Variants in ZNF184 observed in about 807,000 individuals in gnomAD.
ZNF184 encodes the protein zinc finger protein 184.
A neutral mutation model predicts 54.4 loss-of-function variants in ZNF184; 16 were observed. The observed-to-expected ratio is 0.29, with a 90% CI of 0.20 to 0.45. ZNF184 has a LOEUF of 0.45. Ranked by LOEUF, ZNF184 falls within the 20% of genes least tolerant of loss-of-function variation. ZNF184 has a pLI of 1.00. For missense variants in ZNF184, 681 were observed against 888.2 expected (o/e 0.77, Z 2.97); for synonymous variants, 254 against 295.3 (o/e 0.86, Z 1.43).
At position 27,451,748 on chromosome 6, in the gene ZNF184, T is replaced by A; in HGVS notation, c.1811A>T (p.His604Leu). Residue 604 changes from histidine (H) to leucine (L), a missense_variant, in exon 6 of 6, where the codon CAT becomes CTT. Coordinates refer to ENST00000683788, the MANE Select transcript of ZNF184 (RefSeq NM_001318891.2). ...CTTGGCTCCTGTATGAATTCTCTTA[T>A]GCTGTGTAAGGTGTATGTTCTGGTT... The part of the protein sequence containing the change: ...AFNQNIHLTQ[H>L]KRIHTGAKPY... The A allele has an allele frequency of 1.2e-6, 2 of 1,614,050 alleles. No homozygotes were observed. The highest frequency in any genetic ancestry group is 1.7e-6 in the Non-Finnish European group (2 of 1,179,964).
Position 27,453,003 on chromosome 6 carries a change from T to C in ZNF184, c.556A>G (p.Ser186Gly). The change falls in exon 6 of 6, where the codon AGT (serine) becomes GGT (glycine). Residue 186 changes from serine to glycine, a missense_variant. Ser to Gly is a moderately conservative substitution (Grantham distance 56, BLOSUM62 0). Transcript: ENST00000683788. The surrounding 1 kb of genome is among the most constrained non-coding windows in gnomAD (Gnocchi z 4.7). ...ACAAGGTTTGAACTCACATTGACAC[T>C]TTTCCCAAATTCATTATTTACAGGG... ...KGPVNNEFGK[S>G]VNVSSNLVTQ... is the part of the protein sequence containing the mutation. 2 of 1,614,170 alleles carry C rather than the reference T, an allele frequency of 1.2e-6. No individual in the cohort carries two copies. Among genetic ancestry groups the C allele is most frequent in the Admixed American group, 3.3e-5 (2 of 60,026 alleles).
chr6:27,456,842 T>G lies in ZNF184; in HGVS notation c.282A>C (p.Pro94=). 1 of 1,614,128 alleles carries G rather than the reference T, an allele frequency of 6.2e-7. No homozygotes were observed. Among genetic ancestry groups the G allele is most frequent in the East Asian group, 2.2e-5 (1 of 44,878 alleles). ...TEPWIMEPSI[P]VGTCADWETR... is the part of the protein sequence containing the mutation. ...ATGACTTACCTGCACAGGTACCTAC[T>G]GGAATGCTTGGCTCCATGATCCATG... Residue 94 remains proline, a synonymous_variant, in exon 5 of 6, where the codon CCA becomes CCC. Coordinates refer to ENST00000683788, the MANE Select transcript of ZNF184 (RefSeq NM_001318891.2).
At chr6:27,446,353 C>T (rs1762636562), downstream of ZNF184, among the ~76,000 whole-genome samples, 2 of 152,182 alleles carry the variant, frequency 1.3e-5, no homozygotes, top group Non-Finnish European at 2.9e-5. Context: ...ACTCTGTGGC[C>T]ACCCTAGCCA....
chr6:27,458,295 T>TA (rs55966783), intron 3 of ZNF184, among the ~76,000 whole-genome samples: 1,096 of 62,326 alleles, frequency 0.018, 24 homozygotes, highest in East Asian at 0.028. Context: ...TTCTGCACAG[T>TA]AAAAAAAAAA....
the ZNF184 span, among the ~76,000 whole-genome samples, chr6:27,434,298 G>A: frequency 6.6e-6 from 1 of 152,160 alleles, no homozygotes; most frequent in Non-Finnish European, 1.5e-5. Flanking sequence ...TACCAACAAA[G>A]CATGGGTTGC....
In ZNF184 at chr6:27,451,897, T is replaced by C; in HGVS notation, c.1662A>G (p.Gly554=). The stretch of plus-strand genomic sequence containing the variant: ...ATTCATGACACTGATAGGGTTTCTC[T>C]CCAGTATGAATTCTTTCATGCTTAG... ...SLAKHERIHT[G]EKPYQCHECG... The change falls in exon 6 of 6, where the codon GGA becomes GGG. Residue 554 remains glycine, a synonymous_variant. Transcript: ENST00000683788. 6.2e-7 allele frequency: 1 copy of C among 1,612,520 alleles called. No homozygotes were observed.
Position 27,453,283 on chromosome 6 carries a change from G to A in ZNF184, c.299-23C>T. ...AGTCTAAAAGAAAAAGAAAATTCCA[G>A]TGTTCTCTGAATAGAGAAAAAATAA... On this transcript the variant is annotated intron_variant, in intron 5 of 5. Coordinates refer to ENST00000683788, the MANE Select transcript of ZNF184 (RefSeq NM_001318891.2). This position sits in a 1 kb window ranked among gnomAD's most constrained non-coding sequence, Gnocchi z 4.7. The A allele has an allele frequency of 6.4e-7, 1 of 1,553,610 alleles. No individual in the cohort carries two copies. Among genetic ancestry groups the A allele is most frequent in the Non-Finnish European group, 8.6e-7 (1 of 1,156,956 alleles).
the ZNF184 span, among the ~76,000 whole-genome samples, chr6:27,409,498 CAAAAAAA>C: frequency 2.5e-5 from 1 of 39,942 alleles, no homozygotes; most frequent in Non-Finnish European, 5.0e-5. Context: ...GACTCCGTCT[CAAAAAAA>C]AAAAAAAAAA....
chr6:27,461,366 G>C (rs1268114893), intron 3 of ZNF184, among the ~76,000 whole-genome samples: 1 of 151,898 alleles, frequency 6.6e-6, no homozygotes, highest in Non-Finnish European at 1.5e-5. Flanking sequence ...TGTAATATTT[G>C]TTAGCCATGA....
the ZNF184 span, among the ~76,000 whole-genome samples, chr6:27,411,230 A>C: frequency 6.6e-6 from 1 of 152,116 alleles, no homozygotes; most frequent in Non-Finnish European, 1.5e-5. Context: ...AGAGGCTTAA[A>C]ACTCCAGGCC....
chr6:27,453,333 T>A lies in ZNF184; in HGVS notation c.299-73A>T. On this transcript the variant is annotated intron_variant, in intron 5 of 5. Transcript: ENST00000683788. The surrounding 1 kb of genome is among the most constrained non-coding windows in gnomAD (Gnocchi z 4.7). ...AACTGCTATTGTGGGAATAATATAA[T>A]GATACTGAAAAATAAATCTCTCAGA... The A allele has an allele frequency of 7.4e-7, 1 of 1,359,926 alleles. No individual in the cohort carries two copies. Among genetic ancestry groups the A allele is most frequent in the Non-Finnish European group, 9.8e-7 (1 of 1,025,218 alleles). 84.2% of individuals were successfully genotyped at this position (1,359,926 alleles called of 1,614,324 possible). A position where few individuals can be genotyped will look rare whatever the true frequency, so the allele number is the denominator to read the frequency against.
the ZNF184 span, among the ~76,000 whole-genome samples, chr6:27,422,156 G>GAAAGAA: frequency 3.8e-5 from 1 of 26,354 alleles, no homozygotes; most frequent in Non-Finnish European, 8.4e-5. Context: ...AAAAAAGAAA[G>GAAAGAA]AAAGAAAGAA....
chr6:27,467,480 A>G (rs1015024792), intron 3 of ZNF184, among the ~76,000 whole-genome samples: 45 of 152,134 alleles, frequency 3.0e-4, no homozygotes, highest in African/African-American at 1.0e-3. Context: ...CTGTAGTCCC[A>G]GCTACTCGGG....
In ZNF184 at chr6:27,469,414, G is replaced by A. The variant is rs557168506; in HGVS notation, c.8-1494C>T. Among the ~76,000 whole-genome samples, 4 of 152,196 alleles carry A rather than the reference G, an allele frequency of 2.6e-5. No individual in the cohort carries two copies. In the South Asian group the frequency reaches 8.3e-4, roughly 32 times the overall value. ...TCCCAGCACTTTGGGAGGCTGAGGC[G>A]GGCGGATCACAAGGTCAGGAGTTAG... is the stretch of plus-strand genomic sequence containing the variant. On this transcript the variant is annotated intron_variant, in intron 2 of 5. Coordinates refer to ENST00000683788, the MANE Select transcript of ZNF184 (RefSeq NM_001318891.2).
At chr6:27,409,425 G>A in the ZNF184 span, among the ~76,000 whole-genome samples, 1 of 150,830 alleles carries the variant, frequency 6.6e-6, no homozygotes, top group Non-Finnish European at 1.5e-5. Context: ...CATGAACCTG[G>A]GAGGTGGAGC....
chr6:27,420,363 A>C, the ZNF184 span, among the ~76,000 whole-genome samples: 3 of 152,136 alleles, frequency 2.0e-5, no homozygotes, highest in East Asian at 5.8e-4. Context: ...GCTAAGAGTC[A>C]GTTTCTTTCA....
At chr6:27,437,594 A>G in the ZNF184 span, among the ~76,000 whole-genome samples, 1 of 152,206 alleles carries the variant, frequency 6.6e-6, no homozygotes, top group Non-Finnish European at 1.5e-5. Context: ...GACCTACAGA[A>G]CTGTGAACTG....
rs549061991 is a variant in ZNF184, at chr6:27,461,159, A to C, written c.76-3750T>G. ...CAGGTAAAGGCCAATGTGATCAGCAACCTTTATGAATTCGGACTCCAAGAC... is the reference window on the plus strand; with the variant it reads ...CAGGTAAAGGCCAATGTGATCAGCACCCTTTATGAATTCGGACTCCAAGAC... On this transcript the variant is annotated intron_variant, in intron 3 of 5. Transcript: ENST00000683788. Among the ~76,000 whole-genome samples the C allele has an allele frequency of 2.6e-5, 4 of 152,286 alleles. 1 individual carries two copies. The highest frequency in any genetic ancestry group is 2.6e-4 in the Admixed American group (4 of 15,302).
Position 27,452,927 on chromosome 6 carries a change from T to C in ZNF184, c.632A>G (p.Gln211Arg). 6.2e-7 allele frequency: 1 copy of C among 1,614,190 alleles called. No homozygotes were observed. The highest frequency in any genetic ancestry group is 8.5e-7 in the Non-Finnish European group (1 of 1,180,012). The change falls in exon 6 of 6, where the codon CAG (glutamine) becomes CGG (arginine). Residue 211 changes from glutamine (Q) to arginine (R), a missense_variant. Gln to Arg is a conservative substitution (Grantham distance 43). Transcript: ENST00000683788. This position sits in a 1 kb window ranked among gnomAD's most constrained non-coding sequence, Gnocchi z 5.5. ...CTCTTTTTTAACTGGGTTTGAATTC[T>C]GTTTGATGCTTCTTTTAGTAGAGGT... Reference protein sequence around the residue: ...EETSTKRSIKQNSNPVKKEKS... With the variant: ...EETSTKRSIKRNSNPVKKEKS...
Sources: allele counts gnomAD v4.1 joint callset (sites outside exome capture counted in the v4.1 genomes callset), GRCh38; gene constraint gnomAD v4.1.1; non-coding constraint Gnocchi (gnomAD v3.1); transcripts MANE v1.5; gene names NCBI Gene and HGNC (gene_info 2026-07-23, HGNC 2026-07-21).